Variants in TMCC1 observed in about 807,000 individuals in gnomAD.
TMCC1 encodes transmembrane and coiled-coil domain family 1, also known as transmembrane and coiled-coil domains protein 1.
In TMCC1, 15 loss-of-function variants were observed where a neutral mutation model predicts 52.4. The ratio of observed to expected loss-of-function variants is 0.29; its 90% CI spans 0.19 to 0.44. The LOEUF is 0.44. Among genes scored for constraint, TMCC1 ranks in the 20% least tolerant of loss-of-function variants. TMCC1 has a pLI of 1.00. For synonymous variants in TMCC1, 279 were observed against 301.9 expected, an observed-to-expected ratio of 0.92 and a Z score of 0.79; for missense variants, 503 against 806.0, an observed-to-expected ratio of 0.62 and a Z score of 4.55.
At position 129,680,004 on chromosome 3, in the gene TMCC1, G is replaced by C. The variant is rs2088829576; in HGVS notation, c.577-8740C>G. Reference sequence around the variant, plus strand: ...TATAACAGGATCTTATTGCATCAGAGATTGACTTTTAAAAGCTTCCCAAAG... The same window carrying C: ...TATAACAGGATCTTATTGCATCAGACATTGACTTTTAAAAGCTTCCCAAAG... On this transcript the variant is annotated intron_variant, in intron 4 of 6. Transcript: ENST00000393238. Among the ~76,000 whole-genome samples the C allele has an allele frequency of 2.0e-5, 3 of 152,230 alleles. No homozygotes were observed. In the South Asian group the frequency reaches 6.2e-4, roughly 32 times the overall value.
At chr3:129,853,495 G>A (rs1349704854) in intron 2 of TMCC1, among the ~76,000 whole-genome samples, 1 of 151,894 alleles carries the variant, frequency 6.6e-6, no homozygotes, top group African/African-American at 2.4e-5. Flanking sequence ...CAGCCATGGT[G>A]GCACATACCT....
Position 129,760,496 on chromosome 3 carries a change from T to TGTGTG in TMCC1, c.576+67306_576+67307insCACAC, listed in dbSNP as rs1560353306. On this transcript the variant is annotated intron_variant, in intron 4 of 6. Transcript: ENST00000393238. Reference sequence around the variant, plus strand: ...TGTGTGTGTGTGTGTGTGTGTGTGTTTTTGAGACAGTCTCGCTCTGTTGCC... The same window carrying TGTGTG: ...TGTGTGTGTGTGTGTGTGTGTGTGTTGTGTGTTTGAGACAGTCTCGCTCTGTTGCC... Among the ~76,000 whole-genome samples the TGTGTG allele has an allele frequency of 9.7e-3, 651 of 67,088 alleles. 16 individuals are homozygous for TGTGTG. The highest frequency in any genetic ancestry group is 0.021 in the African/African-American group (584 of 27,166). The allele number at this position is 67,088 out of a possible 152,430, so 44.0% of individuals were successfully genotyped here.
chr3:129,669,276 A>G (rs2087720441), intron 5 of TMCC1, among the ~76,000 whole-genome samples: 1 of 152,204 alleles, frequency 6.6e-6, no homozygotes, highest in Non-Finnish European at 1.5e-5. Flanking sequence ...TTACAGTAGA[A>G]GTACTGAGGA....
At chr3:129,760,152 C>T (rs1179147847) in intron 4 of TMCC1, among the ~76,000 whole-genome samples, 3 of 152,142 alleles carry the variant, frequency 2.0e-5, no homozygotes, top group Non-Finnish European at 2.9e-5. Flanking sequence ...TCATTAACAT[C>T]TTCCAATGGT....
At chr3:129,665,650 A>G (rs1347889915) in intron 5 of TMCC1, among the ~76,000 whole-genome samples, 2 of 152,192 alleles carry the variant, frequency 1.3e-5, no homozygotes, top group Non-Finnish European at 2.9e-5. Flanking sequence ...AATGCTTCAG[A>G]GAGCTAGGCT....
intron 4 of TMCC1, among the ~76,000 whole-genome samples, chr3:129,772,734 A>C (rs1377934092): frequency 7.3e-5 from 11 of 151,578 alleles, no homozygotes; most frequent in African/African-American, 2.4e-4. Context: ...AAAAAAAAAA[A>C]AAAAAAAAAA....
At chr3:129,705,199 C>G (rs2048129772) in intron 4 of TMCC1, among the ~76,000 whole-genome samples, 2 of 152,130 alleles carry the variant, frequency 1.3e-5, no homozygotes, top group Admixed American at 1.3e-4. Flanking sequence ...TTCTCACTCT[C>G]TAGTGAGGAA....
chr3:129,822,126 T>C (rs971546360), intron 4 of TMCC1, among the ~76,000 whole-genome samples: 7 of 152,188 alleles, frequency 4.6e-5, no homozygotes, highest in East Asian at 3.8e-4. Context: ...TGTAAATAAC[T>C]ATTTTGTTAT....
intron 4 of TMCC1, among the ~76,000 whole-genome samples, chr3:129,779,191 A>G (rs1483624232): frequency 6.6e-6 from 1 of 152,164 alleles, no homozygotes; most frequent in African/African-American, 2.4e-5. Flanking sequence ...AGCAGAAATT[A>G]AACACTAAAA....
chr3:129,816,225 T>A (rs1361180699), intron 4 of TMCC1, among the ~76,000 whole-genome samples: 1 of 152,196 alleles, frequency 6.6e-6, no homozygotes, highest in Admixed American at 6.5e-5. Flanking sequence ...GGAATTCTAC[T>A]ACTGGGTATA....
intron 4 of TMCC1, among the ~76,000 whole-genome samples, chr3:129,811,002 A>C (rs74602885): frequency 0.031 from 4,741 of 152,304 alleles, 219 homozygotes; most frequent in African/African-American, 0.11. Flanking sequence ...GGTTATTTAA[A>C]TGTGCATTTG....
chr3:129,708,086 G>A (rs1423817871), intron 4 of TMCC1, among the ~76,000 whole-genome samples: 2 of 152,100 alleles, frequency 1.3e-5, no homozygotes, highest in African/African-American at 4.8e-5. Context: ...GAAAATTTTA[G>A]TAAGACAAAA....
chr3:129,770,190 T>G (rs1382475072), intron 4 of TMCC1, among the ~76,000 whole-genome samples: 1 of 152,132 alleles, frequency 6.6e-6, no homozygotes, highest in Non-Finnish European at 1.5e-5. Flanking sequence ...AGCAAAAAAA[T>G]TCTAACTATA....
intron 4 of TMCC1, among the ~76,000 whole-genome samples, chr3:129,691,976 T>G (rs1448901120): frequency 1.3e-5 from 2 of 152,184 alleles, no homozygotes; most frequent in Non-Finnish European, 2.9e-5. Context: ...ATCTGACACT[T>G]TAAATATGCT....
intron 4 of TMCC1, among the ~76,000 whole-genome samples, chr3:129,705,605 C>T (rs997600237): frequency 3.6e-5 from 5 of 138,850 alleles, no homozygotes; most frequent in Non-Finnish European, 6.3e-5. Flanking sequence ...ATTTGAAACA[C>T]TTTTTTTTTT....
chr3:129,828,124 G>C lies in TMCC1; in HGVS notation c.255C>G (p.Ser85Arg). The C allele has an allele frequency of 6.2e-7, 1 of 1,614,136 alleles. No individual in the cohort carries two copies. Among genetic ancestry groups the C allele is most frequent in the East Asian group, 2.2e-5 (1 of 44,874 alleles). ...CATCAATCTCAGCACATGCGTTCTG[G>C]CTTTCCAGATCCATTTCAGGTTCTG... ...ADPEPEMDLE[S>R]QNACAEIDGV... The change falls in exon 4 of 7, where the codon AGC becomes AGG. Residue 85 changes from serine (S) to arginine (R), a missense_variant. Physicochemically the swap from Ser to Arg is moderately radical, Grantham distance 110 (BLOSUM62 -1). Coordinates refer to ENST00000393238, the MANE Select transcript of TMCC1 (RefSeq NM_001017395.5). This position sits in a 1 kb window ranked among gnomAD's most constrained non-coding sequence, Gnocchi z 4.1.
chr3:129,760,533 A>G (rs1027908017), intron 4 of TMCC1, among the ~76,000 whole-genome samples: 1 of 146,818 alleles, frequency 6.8e-6, no homozygotes, highest in African/African-American at 2.5e-5. Flanking sequence ...AGGCTGGAGT[A>G]GTGGCGCGAT....
At chr3:129,739,204 G>A (rs2051244483) in intron 4 of TMCC1, among the ~76,000 whole-genome samples, 1 of 151,992 alleles carries the variant, frequency 6.6e-6, no homozygotes, top group Non-Finnish European at 1.5e-5. Flanking sequence ...ATCTCACTCT[G>A]TCTCCCAGGC....
At chr3:129,730,542 A>G (rs2050457771) in intron 4 of TMCC1, among the ~76,000 whole-genome samples, 1 of 152,166 alleles carries the variant, frequency 6.6e-6, no homozygotes, top group African/African-American at 2.4e-5. Context: ...ATATGGCCTC[A>G]TCTTGGTTAC....
Sources: allele counts gnomAD v4.1 joint callset (sites outside exome capture counted in the v4.1 genomes callset), GRCh38; gene constraint gnomAD v4.1.1; non-coding constraint Gnocchi (gnomAD v3.1); transcripts MANE v1.5; gene names NCBI Gene and HGNC (gene_info 2026-07-23, HGNC 2026-07-21).